Variants in GAP43 observed in about 807,000 individuals in gnomAD.
GAP43 encodes neuromodulin.
A neutral mutation model predicts 18.6 loss-of-function variants in GAP43; 6 were observed. The observed-to-expected ratio is 0.32, with a 90% confidence interval of 0.18 to 0.64. The LOEUF is 0.64. Ranked by LOEUF, GAP43 falls within the 30% of genes least tolerant of loss-of-function variation. The pLI, the probability that GAP43 is intolerant of heterozygous loss-of-function variation, is 0.78. For missense variants in GAP43, 292 were observed against 295.5 expected (o/e 0.99, Z 0.09); for synonymous variants, 115 against 111.4 (o/e 1.03, Z -0.20).
chr3:115,681,211 C>T (rs12496390), intron 2 of GAP43, among the ~76,000 whole-genome samples: 18,335 of 152,108 alleles, frequency 0.12, 1,450 homozygotes, highest in Admixed American at 0.25. Context: ...GACAACAGCC[C>T]AATGTCATTT....
intron 2 of GAP43, among the ~76,000 whole-genome samples, chr3:115,695,209 T>C (rs1313694569): frequency 6.6e-6 from 1 of 152,198 alleles, no homozygotes; most frequent in Non-Finnish European, 1.5e-5. Context: ...TCTGGATCCT[T>C]AGACTATGCT....
chr3:115,636,509 G>A (rs1445930266), intron 1 of GAP43, among the ~76,000 whole-genome samples: 2 of 151,892 alleles, frequency 1.3e-5, no homozygotes, highest in Non-Finnish European at 2.9e-5. Flanking sequence ...CATCTAGATG[G>A]GTACCAGTTA....
rs1159726325 is a variant in GAP43 at position 115,626,700 on chromosome 3, A to G, written c.30+2981A>G. Among the ~76,000 whole-genome samples the G allele has an allele frequency of 2.6e-5, 4 of 152,118 alleles. No homozygotes were observed. In the East Asian group the frequency reaches 5.8e-4, roughly 22 times the overall value. ...GTGTTTCTTTTGTTGAAAAATAATG[A>G]CTTTAGTTTGTAATTGAAGTGTAAA... On this transcript the variant is annotated intron_variant, in intron 1 of 2. Coordinates refer to ENST00000305124, the MANE Select transcript of GAP43 (RefSeq NM_002045.4).
intron 2 of GAP43, among the ~76,000 whole-genome samples, chr3:115,681,668 A>G: frequency 6.6e-6 from 1 of 152,202 alleles, no homozygotes; most frequent in East Asian, 1.9e-4. Flanking sequence ...TTTTCTTTCA[A>G]GAGTTAACAT....
intron 2 of GAP43, among the ~76,000 whole-genome samples, chr3:115,687,168 T>C (rs1709045826): frequency 6.6e-6 from 1 of 150,884 alleles, no homozygotes; most frequent in African/African-American, 2.4e-5. Flanking sequence ...TTTCTGAGCC[T>C]TGAAGTACAG....
chr3:115,681,520 G>C (rs1487368711), intron 2 of GAP43, among the ~76,000 whole-genome samples: 7 of 152,144 alleles, frequency 4.6e-5, no homozygotes, highest in Non-Finnish European at 1.0e-4. Flanking sequence ...GCAGGGAAAA[G>C]ATCTTTGAAC....
intron 2 of GAP43, among the ~76,000 whole-genome samples, chr3:115,704,966 C>A (rs73858062): frequency 0.017 from 2,573 of 152,180 alleles, 77 homozygotes; most frequent in African/African-American, 0.059. Context: ...GTATTTTTGT[C>A]CTGATTTATG....
In GAP43 at chr3:115,710,147, C is replaced by T. The variant is rs1232346334; in HGVS notation, c.629-10647C>T. Among the ~76,000 whole-genome samples, 3 of 152,216 alleles carry T rather than the reference C, an allele frequency of 2.0e-5. No homozygotes were observed. In the East Asian group the frequency reaches 5.8e-4, roughly 29 times the overall value. ...TAAAGTGCTGATTCACTATAATGTG[C>T]CAAGCAGTGTAGATAACTTATGGTT... On this transcript the variant is annotated intron_variant, in intron 2 of 2. Transcript: ENST00000305124.
At chr3:115,661,830 G>GTTTTTTTTTTTTTTTTTTTTTTTT (rs1576986136) in intron 1 of GAP43, among the ~76,000 whole-genome samples, 2 of 28,650 alleles carry the variant, frequency 7.0e-5, no homozygotes, top group African/African-American at 1.4e-4. Flanking sequence ...AGAAACTAGG[G>GTTTTTTTTTTTTTTTTTTTTTTTT]CTTTTTTTTT....
At chr3:115,686,222 T>C (rs770401694) in intron 2 of GAP43, among the ~76,000 whole-genome samples, 1 of 152,232 alleles carries the variant, frequency 6.6e-6, no homozygotes, top group Non-Finnish European at 1.5e-5. Flanking sequence ...TCTAAAATAC[T>C]AAGAATAGTA....
At chr3:115,711,157 C>T (rs1434078563) in intron 2 of GAP43, among the ~76,000 whole-genome samples, 1 of 152,152 alleles carries the variant, frequency 6.6e-6, no homozygotes, top group African/African-American at 2.4e-5. Flanking sequence ...TTACGTTCCT[C>T]CAAGCTTTAG....
chr3:115,676,171 G>A lies in GAP43; in HGVS notation c.189G>A (p.Glu63=). The stretch of plus-strand genomic sequence containing the variant: ...AGAAGGATGATGTCCAAGCTGCTGA[G>A]GCTGAAGCTAATAAGAAGGATGAAG... ...GEKKDDVQAA[E]AEANKKDEAP... is the part of the protein sequence containing the mutation. Residue 63 remains glutamate, a synonymous_variant, in exon 2 of 3, where the codon GAG becomes GAA. Transcript: ENST00000305124. 1 of 1,614,194 alleles carries A rather than the reference G, an allele frequency of 6.2e-7. No individual in the cohort carries two copies. The highest frequency in any genetic ancestry group is 1.3e-5 in the African/African-American group (1 of 75,054).
chr3:115,629,227 A>G (rs536037717), intron 1 of GAP43, among the ~76,000 whole-genome samples: 1 of 152,206 alleles, frequency 6.6e-6, no homozygotes, highest in Non-Finnish European at 1.5e-5. Flanking sequence ...GTAACTTTCT[A>G]TGTGGAGTTC....
chr3:115,673,392 C>A (rs1204873190), intron 1 of GAP43, among the ~76,000 whole-genome samples: 2 of 152,156 alleles, frequency 1.3e-5, no homozygotes, highest in East Asian at 3.8e-4. Flanking sequence ...AAAGAAAAGA[C>A]AGAGCTCTAA....
At chr3:115,685,182 C>A (rs1709017335) in intron 2 of GAP43, among the ~76,000 whole-genome samples, 1 of 152,160 alleles carries the variant, frequency 6.6e-6, no homozygotes, top group Non-Finnish European at 1.5e-5. Context: ...AGAATTCAAA[C>A]CATTTAGGGC....
intron 1 of GAP43, among the ~76,000 whole-genome samples, chr3:115,628,137 G>T (rs899904964): frequency 6.6e-6 from 1 of 151,986 alleles, no homozygotes; most frequent in Admixed American, 6.6e-5. Context: ...CCCCAGTTTT[G>T]CAGGATGATC....
At chr3:115,686,111 A>T (rs1214249747) in intron 2 of GAP43, among the ~76,000 whole-genome samples, 1 of 152,340 alleles carries the variant, frequency 6.6e-6, no homozygotes, top group Middle Eastern at 3.4e-3. Flanking sequence ...AGCAGTTGGG[A>T]AGAAGTGCTA....
At chr3:115,630,382 G>A (rs1708246305) in intron 1 of GAP43, among the ~76,000 whole-genome samples, 3 of 152,180 alleles carry the variant, frequency 2.0e-5, no homozygotes, top group Admixed American at 2.0e-4. Flanking sequence ...TGAATGGTAA[G>A]TAGTCCCTCA....
intron 1 of GAP43, chr3:115,658,662 C>T (rs981939211): frequency 1.3e-5 from 2 of 152,234 alleles, no homozygotes; most frequent in Non-Finnish European, 2.9e-5. Context: ...GCTTGGGGTC[C>T]GCGGGGCTCC....
Sources: gnomAD v4.1 joint callset for allele counts (sites outside exome capture counted in the v4.1 genomes callset) on GRCh38, gnomAD v4.1.1 for gene constraint, MANE v1.5 for transcripts, NCBI Gene and HGNC (gene_info 2026-07-23, HGNC 2026-07-21) for gene names.